The following TLN2 variants were observed in gnomAD, a reference collection of about 807,000 sequenced individuals.
TLN2 encodes the protein talin-2.
Under a neutral mutation model 294.7 loss-of-function variants are expected in TLN2, and 118 were observed. That is an observed-to-expected ratio of 0.40 (90% CI 0.34 to 0.47). TLN2 has a LOEUF of 0.47. Ranked by LOEUF, TLN2 falls within the 20% of genes least tolerant of loss-of-function variation. The pLI is 0.84. For missense variants in TLN2, 3,083 were observed against 3,282.2 expected (o/e 0.94, Z 1.48); for synonymous variants, 1,431 against 1,304.5 (o/e 1.10, Z -2.09).
chr15:62,759,881 C>A (rs1348009437), intron 37 of TLN2, among the ~76,000 whole-genome samples: 1 of 152,188 alleles, frequency 6.6e-6, no homozygotes, highest in African/African-American at 2.4e-5. Flanking sequence ...GTGGCACCCA[C>A]CCTGCCTCGC....
At chr15:62,693,225 G>C (rs939879631) in intron 13 of TLN2, among the ~76,000 whole-genome samples, 2 of 152,112 alleles carry the variant, frequency 1.3e-5, no homozygotes, top group African/African-American at 4.8e-5. Flanking sequence ...CCAGTTACTC[G>C]GGAGGTGGAG....
rs550026562 is a variant in TLN2 at position 62,707,566 on chromosome 15, G to GGT, written c.2172+314_2172+315dup. 3.0e-4 allele frequency among the ~76,000 whole-genome samples: 46 copies of GGT among 152,242 alleles called. No homozygotes were observed. The South Asian group carries it at 9.5e-3, about 32-fold the overall frequency. The stretch of plus-strand genomic sequence containing the variant: ...CACAAAAATAGTTCTTGCAATGCGT[G>GGT]GTACAGCATTACAAATGGGTTCAGA... On this transcript the variant is annotated intron_variant, in intron 20 of 58. Transcript: ENST00000636159.
chr15:62,725,840 A>G (rs1200577787), intron 27 of TLN2, among the ~76,000 whole-genome samples: 1 of 152,246 alleles, frequency 6.6e-6, no homozygotes, highest in African/African-American at 2.4e-5. Flanking sequence ...GCAGGACTCT[A>G]AAACCTGTGC....
rs1328224275 is a variant in TLN2, at chr15:62,698,780, G to A, written c.1500G>A (p.Gly500=). ...PLTSAQQALM[G]TINTSMHAVQ... is the part of the protein sequence containing the mutation. ...CCTCAGCCCAGCAGGCCCTGATGGG[G>A]ACCATCAACACAAGCATGCACGCCG... is the stretch of plus-strand genomic sequence containing the variant. Residue 500 remains glycine (G), a synonymous_variant, in exon 16 of 59, where the codon GGG becomes GGA. Transcript: ENST00000636159. 6.2e-7 allele frequency: 1 copy of A among 1,611,654 alleles called. No homozygotes were observed. Among genetic ancestry groups the A allele is most frequent in the Non-Finnish European group, 8.5e-7 (1 of 1,179,932 alleles).
intron 37 of TLN2, among the ~76,000 whole-genome samples, chr15:62,761,387 G>T (rs117879561): frequency 2.6e-5 from 4 of 152,286 alleles, no homozygotes; most frequent in Admixed American, 2.0e-4. Context: ...GTCACGGGGC[G>T]TTGAAGAGCA....
intron 1 of TLN2, among the ~76,000 whole-genome samples, chr15:62,491,665 T>A (rs1214985221): frequency 6.6e-6 from 1 of 152,160 alleles, no homozygotes; most frequent in Non-Finnish European, 1.5e-5. Flanking sequence ...TTTTTAGGAA[T>A]AGAATGGGAG....
chr15:62,788,085 T>C (rs1012083401), intron 45 of TLN2, among the ~76,000 whole-genome samples: 3 of 149,196 alleles, frequency 2.0e-5, no homozygotes, highest in Admixed American at 6.7e-5. Context: ...CCGAGATGAG[T>C]GGATCACTTG....
At chr15:62,703,660 G>A (rs371886842) in intron 19 of TLN2, among the ~76,000 whole-genome samples, 3,618 of 151,434 alleles carry the variant, frequency 0.024, 69 homozygotes, top group South Asian at 0.05. Flanking sequence ...CAGAGAAAGA[G>A]AGAGAGAATT....
In TLN2 at chr15:62,725,214, A is replaced by G. The variant is rs2140928053; in HGVS notation, c.3255+110A>G. On this transcript the variant is annotated intron_variant, in intron 27 of 58. Coordinates refer to ENST00000636159, the MANE Select transcript of TLN2 (RefSeq NM_015059.3). ...GTTGCGGCATGTTGAGAAGCTTCTA[A>G]TCCTGTGGTCTTTTTCTGAAAAGAA... 4 of 1,430,648 alleles carry G rather than the reference A, an allele frequency of 2.8e-6. No homozygotes were observed. In the East Asian group the frequency reaches 9.7e-5, roughly 35 times the overall value. 88.6% of individuals were successfully genotyped at this position (1,430,648 alleles called of 1,614,324 possible).
chr15:62,440,668 C>T (rs1040614772), intron 1 of TLN2, among the ~76,000 whole-genome samples: 13 of 152,164 alleles, frequency 8.5e-5, no homozygotes, highest in Admixed American at 6.5e-5. Flanking sequence ...CTGTGGCCTC[C>T]TGGATCCCCG....
intron 1 of TLN2, among the ~76,000 whole-genome samples, chr15:62,579,125 T>C (rs1207186172): frequency 6.6e-6 from 1 of 152,138 alleles, no homozygotes; most frequent in African/African-American, 2.4e-5. Context: ...TTTCACAATA[T>C]ACTGAGAAGA....
rs565309707 is a variant in TLN2 at position 62,750,362 on chromosome 15, G to C, written c.4120-40G>C. 99 of 1,556,416 alleles carry C rather than the reference G, an allele frequency of 6.4e-5. 1 individual carries two copies. In the South Asian group the frequency reaches 1.1e-3, roughly 17 times the overall value. On this transcript the variant is annotated intron_variant, in intron 33 of 58. Transcript: ENST00000636159. ...TGATGTTGAATTTCTTTTGCTCTAT[G>C]ACATTTGCTTGCTTTTTATGTTGTG...
At chr15:62,674,909 C>T (rs1328485902) in intron 10 of TLN2, among the ~76,000 whole-genome samples, 1 of 152,196 alleles carries the variant, frequency 6.6e-6, no homozygotes, top group African/African-American at 2.4e-5. Context: ...AGTCCTTTGA[C>T]AATGTGATTA....
chr15:62,609,526 C>G (rs932094243), intron 2 of TLN2, among the ~76,000 whole-genome samples: 8 of 152,220 alleles, frequency 5.3e-5, no homozygotes, highest in African/African-American at 1.9e-4. Context: ...AACCTTGACC[C>G]TCTTGAAGGT....
chr15:62,417,075 A>C (rs1384763337), intron 1 of TLN2, among the ~76,000 whole-genome samples: 1 of 152,082 alleles, frequency 6.6e-6, no homozygotes, highest in Non-Finnish European at 1.5e-5. Context: ...GACGTTGGGG[A>C]GTGCTGTGGA....
chr15:62,649,989 C>T, intron 4 of TLN2, 95 bp from the exon 5 acceptor site: 3 of 1,215,932 alleles, frequency 2.5e-6, no homozygotes, highest in East Asian at 2.3e-5. Flanking sequence ...GGAGAACACC[C>T]ACATCCTTGC....
intron 3 of TLN2, among the ~76,000 whole-genome samples, chr15:62,620,773 C>T (rs977839267): frequency 4.0e-5 from 6 of 150,722 alleles, no homozygotes; most frequent in African/African-American, 9.8e-5. Flanking sequence ...TGAGCCACCA[C>T]ACCCAGCCCC....
intron 7 of TLN2, 79 bp from the exon 8 acceptor site, chr15:62,655,865 A>T: frequency 1.3e-6 from 2 of 1,521,230 alleles, no homozygotes; most frequent in Admixed American, 3.5e-5. Flanking sequence ...AATCTGCATC[A>T]CACTGCTCTT....
intron 1 of TLN2, among the ~76,000 whole-genome samples, chr15:62,394,570 C>A (rs2032372846): frequency 6.6e-6 from 1 of 152,118 alleles, no homozygotes; most frequent in East Asian, 1.9e-4. Flanking sequence ...ATAACTATTA[C>A]AAATAATAGG....
Sources: allele counts gnomAD v4.1 joint callset (sites outside exome capture counted in the v4.1 genomes callset), GRCh38; gene constraint gnomAD v4.1.1; transcripts MANE v1.5; gene names NCBI Gene and HGNC (gene_info 2026-07-23, HGNC 2026-07-21).